The following CSMD1 variants were observed in gnomAD, a reference collection of about 807,000 sequenced individuals.
The protein encoded by CSMD1 is CUB and sushi domain-containing protein 1.
CSMD1 carries 213 observed loss-of-function variants against 417.5 expected under a neutral mutation model. The observed-to-expected ratio is 0.51, with a 90% confidence interval of 0.46 to 0.57. The LOEUF (loss-of-function observed/expected upper bound fraction) is 0.57, where lower values mean the gene tolerates loss of function less well. Ranked by LOEUF, CSMD1 falls within the 20% of genes least tolerant of loss-of-function variation. The pLI is 0.00. For missense variants in CSMD1, 6,923 were observed against 4,529.7 expected (o/e 1.53, Z -15.17); for synonymous variants, 2,862 against 1,736.8 (o/e 1.65, Z -16.11).
chr8:4,707,586 G>T (rs1481747692), intron 1 of CSMD1, among the ~76,000 whole-genome samples: 1 of 152,016 alleles, frequency 6.6e-6, no homozygotes, highest in Non-Finnish European at 1.5e-5. Context: ...CTGCAAACGA[G>T]CAACAAGAGA....
At chr8:4,058,537 G>T (rs551306242) in intron 3 of CSMD1, among the ~76,000 whole-genome samples, 1 of 151,934 alleles carries the variant, frequency 6.6e-6, no homozygotes, top group African/African-American at 2.4e-5. Context: ...TCCTTCTCCT[G>T]CCTAATTGCC....
rs1265313553 is a variant in CSMD1, at chr8:3,493,582, C to T, written c.1448+41G>A. The T allele has an allele frequency of 3.3e-6, 5 of 1,529,258 alleles. No homozygotes were observed. The African/African-American group carries it at 4.1e-5, about 13-fold the overall frequency. 94.7% of individuals were successfully genotyped at this position (1,529,258 alleles called of 1,614,324 possible). On this transcript the variant is annotated intron_variant, in intron 11 of 69. Coordinates refer to ENST00000635120, the MANE Select transcript of CSMD1 (RefSeq NM_033225.6). ...TCATCTCCACCCACCGTGCCCCGCA[C>T]TGCATGCATAAGAGAAGAAGAAGCT...
rs772952922 is a variant in CSMD1 at position 3,409,528 on chromosome 8, C to A, written c.1639G>T (p.Asp547Tyr). The change falls in exon 13 of 70, where the codon GAT becomes TAT. Residue 547 changes from aspartate (D) to tyrosine (Y), a missense_variant. Physicochemically the swap from Asp to Tyr is radical, Grantham distance 160. Coordinates refer to ENST00000635120, the MANE Select transcript of CSMD1 (RefSeq NM_033225.6). ...GCCGGGCATTCAAAGGTGAGTGTATCTCCATGGAGGAAACTGCTGCCCGTC... is the reference window on the plus strand; with the variant it reads ...GCCGGGCATTCAAAGGTGAGTGTATATCCATGGAGGAAACTGCTGCCCGTC... Reference protein sequence around the residue: ...KRTGSSFLHGDTLTFECPAAF... With the variant: ...KRTGSSFLHGYTLTFECPAAF... 6.2e-7 allele frequency: 1 copy of A among 1,611,456 alleles called. No homozygotes were observed. Among genetic ancestry groups the A allele is most frequent in the South Asian group, 1.1e-5 (1 of 90,288 alleles).
rs1563339435 is a variant in CSMD1 at position 4,618,514 on chromosome 8, T to G, written c.302+18828A>C. ...GAACAAAGCTCAGAGAATAAGTTTT[T>G]CTCTAGCTCTGTGTACATATTTATT... On this transcript the variant is annotated intron_variant, in intron 2 of 69. Coordinates refer to ENST00000635120, the MANE Select transcript of CSMD1 (RefSeq NM_033225.6). 2.6e-5 allele frequency among the ~76,000 whole-genome samples: 4 copies of G among 151,728 alleles called. No individual in the cohort carries two copies. The South Asian group carries it at 8.3e-4, about 31-fold the overall frequency.
At chr8:4,278,073 ATT>A (rs1323813715) in intron 3 of CSMD1, among the ~76,000 whole-genome samples, 1 of 152,168 alleles carries the variant, frequency 6.6e-6, no homozygotes, top group African/African-American at 2.4e-5. Flanking sequence ...AAATACAATA[ATT>A]AAAATGCTAC....
At chr8:4,879,739 CATAATGTT>C (rs1228659613) in intron 1 of CSMD1, among the ~76,000 whole-genome samples, 1 of 152,008 alleles carries the variant, frequency 6.6e-6, no homozygotes, top group Non-Finnish European at 1.5e-5. Context: ...TTGGGACTTT[CATAATGTT>C]ATAGAACCGG....
In CSMD1 at chr8:4,258,668, A is replaced by C. The variant is rs182630331; in HGVS notation, c.415+161285T>G. Among the ~76,000 whole-genome samples, 14 of 152,012 alleles carry C rather than the reference A, an allele frequency of 9.2e-5. No individual in the cohort carries two copies. In the East Asian group the frequency reaches 2.7e-3, roughly 30 times the overall value. ...TACCCTCAGAACTTCATCTAAAAGT[A>C]ATCACCTTCCAGAGGACTTACCTCC... On this transcript the variant is annotated intron_variant, in intron 3 of 69. Coordinates refer to ENST00000635120, the MANE Select transcript of CSMD1 (RefSeq NM_033225.6).
rs189870079 is a variant in CSMD1, at chr8:3,680,363, T to C, written c.1009+28051A>G. Among the ~76,000 whole-genome samples, 740 of 152,194 alleles carry C rather than the reference T, an allele frequency of 4.9e-3. 2 individuals are homozygous for C. The highest frequency in any genetic ancestry group is 6.9e-3 in the Non-Finnish European group (467 of 67,992). ...AAAATGACAAAGGGTATATCACCAC[T>C]GATCCCACAGAAATACAAACTACCA... On this transcript the variant is annotated intron_variant, in intron 7 of 69. Transcript: ENST00000635120.
intron 5 of CSMD1, among the ~76,000 whole-genome samples, chr8:3,959,179 C>G (rs1812160112): frequency 2.0e-5 from 3 of 152,178 alleles, no homozygotes; most frequent in South Asian, 4.1e-4. Context: ...TACAGGGCAT[C>G]TTTTTAAAAA....
In CSMD1 at chr8:2,956,213, G is replaced by A. The variant is rs116978566; in HGVS notation, c.9815-445C>T. Among the ~76,000 whole-genome samples the A allele has an allele frequency of 9.2e-3, 1,402 of 151,768 alleles. 9 individuals carry two copies. Among genetic ancestry groups the A allele is most frequent in the Middle Eastern group, 0.017 (5 of 290 alleles). ...AGATATGCCTTGATTTTGTTCTTGT[G>A]GAAACTACCAAATTTATTACTCAAT... is the stretch of plus-strand genomic sequence containing the variant. On this transcript the variant is annotated intron_variant, in intron 63 of 69. Transcript: ENST00000635120.
chr8:4,891,552 A>G (rs1051909878), intron 1 of CSMD1, among the ~76,000 whole-genome samples: 5 of 152,104 alleles, frequency 3.3e-5, no homozygotes. Flanking sequence ...TTTGCCTTGA[A>G]ATTCCTAGCA....
chr8:3,951,580 A>C (rs977991368), intron 5 of CSMD1, among the ~76,000 whole-genome samples: 1 of 152,202 alleles, frequency 6.6e-6, no homozygotes, highest in Admixed American at 6.5e-5. Flanking sequence ...ATGAATCATC[A>C]TAGAAAACAA....
Position 3,527,574 on chromosome 8 carries a change from G to A in CSMD1, c.1345-33848C>T, listed in dbSNP as rs149676038. Among the ~76,000 whole-genome samples, 36 of 151,994 alleles carry A rather than the reference G, an allele frequency of 2.4e-4. 1 individual carries two copies. The highest frequency in any genetic ancestry group is 4.0e-4 in the Non-Finnish European group (27 of 67,980). On this transcript the variant is annotated intron_variant, in intron 10 of 69. Coordinates refer to ENST00000635120, the MANE Select transcript of CSMD1 (RefSeq NM_033225.6). The stretch of plus-strand genomic sequence containing the variant: ...AAGAATTGATACCTGTGATAAAATC[G>A]CACAGAACTCTATACACACACACAC...
chr8:3,710,782 A>C (rs1193983147), intron 6 of CSMD1, among the ~76,000 whole-genome samples: 1 of 152,188 alleles, frequency 6.6e-6, no homozygotes, highest in Admixed American at 6.5e-5. Context: ...CCGCCAGCTC[A>C]TATCAGGAAG....
At chr8:3,319,686 T>A (rs149937745) in intron 23 of CSMD1, among the ~76,000 whole-genome samples, 2,534 of 152,240 alleles carry the variant, frequency 0.017, 39 homozygotes, top group Middle Eastern at 0.034. Context: ...TTGTTTTTTT[T>A]TGCCTGATTG....
intron 12 of CSMD1, among the ~76,000 whole-genome samples, chr8:3,438,804 T>C (rs1391759166): frequency 1.3e-5 from 2 of 152,092 alleles, no homozygotes; most frequent in East Asian, 1.9e-4. Context: ...CATATGATAA[T>C]TGCATGTTTA....
At chr8:4,755,093 G>A (rs1027861148) in intron 1 of CSMD1, among the ~76,000 whole-genome samples, 5 of 152,186 alleles carry the variant, frequency 3.3e-5, no homozygotes, top group African/African-American at 1.2e-4. Flanking sequence ...AGCCGATATG[G>A]TGCCACTGCA....
At position 3,348,142 on chromosome 8, in the gene CSMD1, G is replaced by C. The variant is rs1171277875; in HGVS notation, c.3324C>G (p.Val1108=). The C allele has an allele frequency of 1.4e-5, 22 of 1,611,836 alleles. No individual in the cohort carries two copies. In the Admixed American group the frequency reaches 3.0e-4, roughly 22 times the overall value. Residue 1108 remains valine (V), a synonymous_variant, in exon 22 of 70, where the codon GTC becomes GTG. Transcript: ENST00000635120. ...ACAGTAATGTTCCTTCATTTCCTTT[G>C]ACACTTGCTCCACATTCGGCTACAA... ...PRCVAECGAS[V]KGNEGTLLSP...
At position 3,908,883 on chromosome 8, in the gene CSMD1, C is replaced by G. The variant is rs190562109; in HGVS notation, c.818+89020G>C. On this transcript the variant is annotated intron_variant, in intron 5 of 69. Coordinates refer to ENST00000635120, the MANE Select transcript of CSMD1 (RefSeq NM_033225.6). ...TACTGTGAGGTAATATAATAACACA[C>G]CTTCCCTAAGAGGAAGATCACTCAT... 7.0e-3 allele frequency among the ~76,000 whole-genome samples: 1,065 copies of G among 152,304 alleles called. 5 individuals are homozygous for G. Among genetic ancestry groups the G allele is most frequent in the Non-Finnish European group, 8.4e-3 (574 of 68,032 alleles).
Sources: allele counts gnomAD v4.1 joint callset (sites outside exome capture counted in the v4.1 genomes callset), GRCh38; gene constraint gnomAD v4.1.1; transcripts MANE v1.5; gene names NCBI Gene and HGNC (gene_info 2026-07-23, HGNC 2026-07-21).